The following PDGFC variants were observed in gnomAD, a reference collection of about 807,000 sequenced individuals.
PDGFC encodes platelet-derived growth factor C.
PDGFC carries 12 observed loss-of-function variants against 35.5 expected under a neutral mutation model. The observed-to-expected ratio is 0.34, with a 90% CI of 0.22 to 0.55. The LOEUF is 0.55. Ranked by LOEUF, PDGFC falls within the 20% of genes least tolerant of loss-of-function variation. The probability of loss-of-function intolerance (pLI) is 0.91; values close to 1 mark genes in which losing one functional copy is unlikely to be tolerated. For synonymous variants in PDGFC, 159 were observed against 148.8 expected (o/e 1.07, Z -0.50); for missense variants, 322 against 412.4 (o/e 0.78, Z 1.90).
intron 2 of PDGFC, among the ~76,000 whole-genome samples, chr4:156,832,515 A>T (rs111553562): frequency 0.13 from 20,287 of 152,062 alleles, 1,384 homozygotes; most frequent in South Asian, 0.2. Context: ...TCTGCCTCCC[A>T]AAGTGCTGGG....
chr4:156,960,568 T>C (rs1000862342), intron 1 of PDGFC, among the ~76,000 whole-genome samples: 1 of 151,764 alleles, frequency 6.6e-6, no homozygotes, highest in East Asian at 2.0e-4. Context: ...ATAAAATGCA[T>C]AGTTGTAGAG....
intron 1 of PDGFC, among the ~76,000 whole-genome samples, chr4:156,927,119 T>G (rs1436516925): frequency 6.6e-6 from 1 of 152,212 alleles, no homozygotes; most frequent in African/African-American, 2.4e-5. Flanking sequence ...AAGCTGAACC[T>G]TGGCCCCTTT....
At chr4:156,859,722 T>C (rs1443809919) in intron 1 of PDGFC, among the ~76,000 whole-genome samples, 3 of 152,156 alleles carry the variant, frequency 2.0e-5, no homozygotes, top group Admixed American at 6.6e-5. Flanking sequence ...ATTAGGTTTT[T>C]AAAGAAATTA....
At chr4:156,873,934 TACTC>T (rs2111151259) in intron 1 of PDGFC, 1 of 152,314 alleles carries the variant, frequency 6.6e-6, no homozygotes, top group Non-Finnish European at 1.5e-5. Flanking sequence ...ATCGTTCCCT[TACTC>T]ACTAAATTGT....
intron 1 of PDGFC, among the ~76,000 whole-genome samples, chr4:156,873,248 C>T (rs1730029141): frequency 6.6e-6 from 1 of 152,000 alleles, no homozygotes; most frequent in African/African-American, 2.4e-5. Context: ...TTTTCAATTC[C>T]TTTTTACTCA....
chr4:156,827,427 AAAAT>A (rs1317317594), intron 2 of PDGFC, among the ~76,000 whole-genome samples: 2 of 151,652 alleles, frequency 1.3e-5, no homozygotes, highest in African/African-American at 4.9e-5. Context: ...AAAAAAAAAA[AAAAT>A]AACAGATTGA....
intron 1 of PDGFC, among the ~76,000 whole-genome samples, chr4:156,933,290 T>C (rs1731597116): frequency 6.6e-6 from 1 of 152,208 alleles, no homozygotes; most frequent in Admixed American, 6.5e-5. Context: ...ATTTGTAGAT[T>C]CCATATTGGT....
chr4:156,963,516 C>CAA (rs569630664), intron 1 of PDGFC, among the ~76,000 whole-genome samples: 1 of 145,574 alleles, frequency 6.9e-6, no homozygotes, highest in Non-Finnish European at 1.5e-5. Context: ...AAGCTAAGTA[C>CAA]AAAAAAAAAA....
intron 2 of PDGFC, among the ~76,000 whole-genome samples, chr4:156,823,378 G>C (rs1222891771): frequency 6.6e-6 from 1 of 152,226 alleles, no homozygotes; most frequent in Non-Finnish European, 1.5e-5. Context: ...AGATTAAACA[G>C]AGGGAGAATG....
chr4:156,923,726 T>A (rs1731342041), intron 1 of PDGFC, among the ~76,000 whole-genome samples: 1 of 151,920 alleles, frequency 6.6e-6, no homozygotes, highest in South Asian at 2.1e-4. Flanking sequence ...ACAGGTAAAC[T>A]CACACACCAA....
intron 1 of PDGFC, among the ~76,000 whole-genome samples, chr4:156,929,975 T>C (rs1214836831): frequency 1.3e-5 from 2 of 152,218 alleles, no homozygotes; most frequent in East Asian, 1.9e-4. Flanking sequence ...ATATGCCAGA[T>C]GTTACAACAC....
At chr4:156,840,727 C>T (rs1434922766) in intron 2 of PDGFC, among the ~76,000 whole-genome samples, 2 of 152,190 alleles carry the variant, frequency 1.3e-5, no homozygotes, top group Non-Finnish European at 2.9e-5. Flanking sequence ...GGGCTGTACC[C>T]TGCAAAGCCA....
At chr4:156,933,813 CCTCT>C (rs1244279858) in intron 1 of PDGFC, among the ~76,000 whole-genome samples, 2 of 152,144 alleles carry the variant, frequency 1.3e-5, no homozygotes, top group East Asian at 1.9e-4. Flanking sequence ...ACTTTCCCCG[CCTCT>C]CTCTCTCCTA....
intron 2 of PDGFC, among the ~76,000 whole-genome samples, chr4:156,825,179 G>A (rs545081333): frequency 6.6e-6 from 1 of 152,188 alleles, no homozygotes; most frequent in South Asian, 2.1e-4. Flanking sequence ...CTCCTCAAAT[G>A]CATTCCAACT....
At chr4:156,765,963 C>CTTA (rs1730514810) in intron 5 of PDGFC, among the ~76,000 whole-genome samples, 1 of 152,038 alleles carries the variant, frequency 6.6e-6, no homozygotes, top group African/African-American at 2.4e-5. Context: ...GGAGACTCAC[C>CTTA]TTATAGATGA....
At chr4:156,929,727 A>G (rs1407824101) in intron 1 of PDGFC, among the ~76,000 whole-genome samples, 1 of 152,268 alleles carries the variant, frequency 6.6e-6, no homozygotes, top group East Asian at 1.9e-4. Flanking sequence ...TATGCAGAGT[A>G]GAATGGAAAA....
At chr4:156,832,590 CCA>C (rs1204666279) in intron 2 of PDGFC, among the ~76,000 whole-genome samples, 2 of 152,198 alleles carry the variant, frequency 1.3e-5, no homozygotes, top group Non-Finnish European at 2.9e-5. Flanking sequence ...GGTATATAAG[CCA>C]CATATACCAC....
chr4:156,906,823 A>G lies in PDGFC; in HGVS notation c.119-56407T>C, dbSNP rs190018255. ...TCATACGTTTCCCTTAATTTCTAGA[A>G]TAATATCTGATATTCTTTAATTTTA... On this transcript the variant is annotated intron_variant, in intron 1 of 5. Coordinates refer to ENST00000502773, the MANE Select transcript of PDGFC (RefSeq NM_016205.3). Among the ~76,000 whole-genome samples the G allele has an allele frequency of 2.3e-3, 345 of 152,278 alleles. 1 individual carries two copies. Among genetic ancestry groups the G allele is most frequent in the African/African-American group, 8.0e-3 (334 of 41,558 alleles).
At chr4:156,913,985 T>C (rs1037610534) in intron 1 of PDGFC, among the ~76,000 whole-genome samples, 1 of 152,218 alleles carries the variant, frequency 6.6e-6, no homozygotes, top group Non-Finnish European at 1.5e-5. Flanking sequence ...GAATCCCTGC[T>C]GGTTTTATGC....
Sources: gnomAD v4.1 joint callset for allele counts (sites outside exome capture counted in the v4.1 genomes callset) on GRCh38, gnomAD v4.1.1 for gene constraint, MANE v1.5 for transcripts, NCBI Gene and HGNC (gene_info 2026-07-23, HGNC 2026-07-21) for gene names.